Variants in MEIS2 observed in about 807,000 individuals in gnomAD.
MEIS2 encodes homeobox protein Meis2.
MEIS2 carries 9 observed loss-of-function variants against 58.6 expected under a neutral mutation model. The ratio of observed to expected loss-of-function variants is 0.15; its 90% confidence interval spans 0.09 to 0.27. MEIS2 has a LOEUF of 0.27. Ranked by LOEUF, MEIS2 falls within the 10% of genes least tolerant of loss-of-function variation. The probability of loss-of-function intolerance (pLI) is 1.00; values close to 1 mark genes in which losing one functional copy is unlikely to be tolerated. For synonymous variants in MEIS2, 221 were observed against 228.4 expected, an observed-to-expected ratio of 0.97 and a Z score of 0.29; for missense variants, 427 against 635.0, an observed-to-expected ratio of 0.67 and a Z score of 3.52.
intron 8 of MEIS2, among the ~76,000 whole-genome samples, chr15:36,966,582 C>A (rs1325612514): frequency 1.3e-5 from 2 of 152,110 alleles, no homozygotes; most frequent in African/African-American, 4.8e-5. Context: ...ATGGTACCTA[C>A]CTCATAGAGT....
At chr15:37,027,718 T>C (rs1193187511) in intron 8 of MEIS2, among the ~76,000 whole-genome samples, 2 of 152,198 alleles carry the variant, frequency 1.3e-5, no homozygotes, top group African/African-American at 4.8e-5. Flanking sequence ...TTGATGGTAA[T>C]TTAATAAGCC....
chr15:37,070,017 T>C (rs1890485753), intron 7 of MEIS2, among the ~76,000 whole-genome samples: 1 of 152,046 alleles, frequency 6.6e-6, no homozygotes, highest in Non-Finnish European at 1.5e-5. Context: ...TAAAAAAAAA[T>C]GCATCAAGCT....
At chr15:36,908,828 A>C (rs1267991224) in intron 9 of MEIS2, among the ~76,000 whole-genome samples, 1 of 151,980 alleles carries the variant, frequency 6.6e-6, no homozygotes, top group Non-Finnish European at 1.5e-5. Context: ...AATCCCAGCT[A>C]CTCGGGAGGC....
At chr15:37,049,290 A>G (rs905697347) in intron 7 of MEIS2, among the ~76,000 whole-genome samples, 2 of 152,170 alleles carry the variant, frequency 1.3e-5, no homozygotes, top group African/African-American at 4.8e-5. Flanking sequence ...AAGTACATGG[A>G]AAATGGAAAA....
chr15:36,975,886 T>C (rs2059731470), intron 8 of MEIS2, among the ~76,000 whole-genome samples: 1 of 152,118 alleles, frequency 6.6e-6, no homozygotes, highest in South Asian at 2.1e-4. Flanking sequence ...ACAATAAAAA[T>C]AAAGTATGTG....
chr15:37,099,373 G>C, intron 1 of MEIS2, 82 bp downstream of exon 1: 1 of 1,590,784 alleles, frequency 6.3e-7, no homozygotes, highest in Non-Finnish European at 8.6e-7. Flanking sequence ...CAGCAGAAGC[G>C]TTGAAGGGAG....
Position 36,927,790 on chromosome 15 carries a change from T to C in MEIS2, c.977+22534A>G, listed in dbSNP as rs550267801. Reference sequence around the variant, plus strand: ...TGTCTGTTCCCTTCTCTACATGTGTTAGGATGTCCACAATAAGTCATTTTC... The same window carrying C: ...TGTCTGTTCCCTTCTCTACATGTGTCAGGATGTCCACAATAAGTCATTTTC... On this transcript the variant is annotated intron_variant, in intron 9 of 11. Transcript: ENST00000561208. 2.4e-4 allele frequency among the ~76,000 whole-genome samples: 37 copies of C among 152,316 alleles called. 1 individual carries two copies. The South Asian group carries it at 7.5e-3, about 31-fold the overall frequency.
At chr15:36,995,956 G>GATATATATATATATATATAT (rs539738718) in intron 8 of MEIS2, among the ~76,000 whole-genome samples, 3 of 112,962 alleles carry the variant, frequency 2.7e-5, no homozygotes, top group African/African-American at 1.0e-4. Flanking sequence ...TCTAGTCTGA[G>GATATATATATATATATATAT]ATATATATAT....
At chr15:37,062,878 T>C (rs1375274783) in intron 7 of MEIS2, among the ~76,000 whole-genome samples, 3 of 152,236 alleles carry the variant, frequency 2.0e-5, no homozygotes, top group Non-Finnish European at 4.4e-5. Flanking sequence ...CTTTGTTCAC[T>C]TGACACTTGA....
intron 8 of MEIS2, among the ~76,000 whole-genome samples, chr15:36,966,190 T>C (rs931040326): frequency 2.6e-5 from 4 of 152,140 alleles, no homozygotes; most frequent in African/African-American, 9.7e-5. Context: ...GGAGGAAACA[T>C]TTGGCCCATA....
chr15:37,045,520 T>C (rs1480202719), intron 7 of MEIS2, among the ~76,000 whole-genome samples: 2 of 152,240 alleles, frequency 1.3e-5, no homozygotes, highest in Non-Finnish European at 2.9e-5. Flanking sequence ...TGCTTAATTC[T>C]GCTTTAGAAT....
chr15:37,037,173 A>G lies in MEIS2; in HGVS notation c.755-214T>C, dbSNP rs866369447. On this transcript the variant is annotated intron_variant, in intron 7 of 11. Transcript: ENST00000561208. ...AATTTTGTGTGTCTCACACTTGCCC[A>G]TATCATTAATTCAATTATAACTGTG... Among the ~76,000 whole-genome samples, 41 of 152,310 alleles carry G rather than the reference A, an allele frequency of 2.7e-4. No homozygotes were observed. The Middle Eastern group carries it at 0.014, about 51-fold the overall frequency.
chr15:36,890,428 C>T lies in MEIS2; in HGVS notation c.*1745G>A, dbSNP rs2055801625. 1 of 152,076 alleles carries T rather than the reference C, an allele frequency of 6.6e-6. No individual in the cohort carries two copies. The highest frequency in any genetic ancestry group is 1.5e-5 in the Non-Finnish European group (1 of 67,996). The allele number at this position is 152,076 out of a possible 1,614,324, so 9.4% of individuals were successfully genotyped here. A position where few individuals can be genotyped will look rare whatever the true frequency, so the allele number is the denominator to read the frequency against. ...AGTTTAAGTTTAGTTATCAAATCATCACACTAGCATCCCTGCACATGGATG... is the reference window on the plus strand; with the variant it reads ...AGTTTAAGTTTAGTTATCAAATCATTACACTAGCATCCCTGCACATGGATG... On this transcript the variant is annotated 3_prime_UTR_variant, in exon 12 of 12. Coordinates refer to ENST00000561208, the MANE Select transcript of MEIS2 (RefSeq NM_170675.5).
In MEIS2 at chr15:37,040,779, A is replaced by G. The variant is rs529103320; in HGVS notation, c.755-3820T>C. 2.0e-5 allele frequency among the ~76,000 whole-genome samples: 3 copies of G among 152,310 alleles called. No individual in the cohort carries two copies. The South Asian group carries it at 6.2e-4, about 32-fold the overall frequency. ...CAAGGCCTGTGGACAGATAAATCGGAAGTGGATTAAATGATCAGAGGAGAT... is the reference window on the plus strand; with the variant it reads ...CAAGGCCTGTGGACAGATAAATCGGGAGTGGATTAAATGATCAGAGGAGAT... On this transcript the variant is annotated intron_variant, in intron 7 of 11. Transcript: ENST00000561208.
intron 7 of MEIS2, among the ~76,000 whole-genome samples, chr15:37,052,862 T>G (rs955075644): frequency 8.5e-5 from 13 of 152,236 alleles, no homozygotes; most frequent in African/African-American, 2.7e-4. Flanking sequence ...CGTGTGCTAC[T>G]ACTTAAGTGG....
chr15:36,950,137 C>G (rs1240585382), intron 9 of MEIS2, among the ~76,000 whole-genome samples, 187 bp downstream of exon 9: 1 of 151,480 alleles, frequency 6.6e-6, no homozygotes, highest in African/African-American at 2.4e-5. Flanking sequence ...ATAAATCCTA[C>G]AAAAACCATT....
At chr15:37,052,627 C>A (rs954878595) in intron 7 of MEIS2, among the ~76,000 whole-genome samples, 6 of 152,192 alleles carry the variant, frequency 3.9e-5, no homozygotes, top group Non-Finnish European at 2.9e-5. Context: ...ATCCATCTGA[C>A]TTTTGAGATG....
intron 7 of MEIS2, among the ~76,000 whole-genome samples, chr15:37,053,712 A>G (rs2063021124): frequency 6.6e-6 from 1 of 152,228 alleles, no homozygotes; most frequent in Non-Finnish European, 1.5e-5. Flanking sequence ...TTCATTTTGA[A>G]AATATATTTT....
chr15:37,011,027 T>C (rs956923267), intron 8 of MEIS2, among the ~76,000 whole-genome samples: 7 of 152,198 alleles, frequency 4.6e-5, no homozygotes, highest in African/African-American at 1.7e-4. Flanking sequence ...CAATAGTCTA[T>C]TGCTCCTTAC....
Sources: allele counts gnomAD v4.1 joint callset (sites outside exome capture counted in the v4.1 genomes callset), GRCh38; gene constraint gnomAD v4.1.1; transcripts MANE v1.5; gene names NCBI Gene and HGNC (gene_info 2026-07-23, HGNC 2026-07-21).